CLPX: variants seen among roughly 807,000 people sequenced by gnomAD.
CLPX encodes ATP-dependent clpX-like chaperone, mitochondrial.
Under a neutral mutation model 76.4 loss-of-function variants are expected in CLPX, and 34 were observed. The observed-to-expected ratio is 0.45, with a 90% CI of 0.34 to 0.59. The LOEUF is 0.59. Among genes scored for constraint, CLPX ranks in the 20% least tolerant of loss-of-function variants. The pLI is 0.01. For missense variants in CLPX, 613 were observed against 757.0 expected (o/e 0.81, Z 2.23); for synonymous variants, 248 against 270.9 (o/e 0.92, Z 0.83).
intron 6 of CLPX, among the ~76,000 whole-genome samples, chr15:65,159,126 T>C (rs1021739448): frequency 1.3e-5 from 2 of 152,224 alleles, no homozygotes; most frequent in Admixed American, 6.5e-5. Context: ...GCAAGTCATA[T>C]AAACTTTATG....
intron 13 of CLPX, among the ~76,000 whole-genome samples, chr15:65,152,128 C>A (rs796067975): frequency 1.3e-5 from 2 of 152,200 alleles, no homozygotes; most frequent in African/African-American, 4.8e-5. Flanking sequence ...CAGAGTTTCA[C>A]CATGTTGGCC....
chr15:65,163,229 G>C (rs2087873650), intron 5 of CLPX, among the ~76,000 whole-genome samples: 1 of 152,068 alleles, frequency 6.6e-6, no homozygotes, highest in Non-Finnish European at 1.5e-5. Context: ...AAAGAAAAAG[G>C]TTCCAAGTCA....
In CLPX at chr15:65,170,727, G is replaced by A. The variant is rs563674275; in HGVS notation, c.359-3942C>T. 7.3e-5 allele frequency among the ~76,000 whole-genome samples: 11 copies of A among 150,118 alleles called. No homozygotes were observed. The South Asian group carries it at 1.8e-3, about 24-fold the overall frequency. On this transcript the variant is annotated intron_variant, in intron 3 of 13. Transcript: ENST00000300107. ...GGAGGTTGCAGTGAGCCAAGACCAC[G>A]TCACTATACTCCAGCCTAGGCAACA...
At position 65,160,044 on chromosome 15, in the gene CLPX, T is replaced by C. The variant is rs186870363; in HGVS notation, c.716-1293A>G. 4.3e-3 allele frequency among the ~76,000 whole-genome samples: 650 copies of C among 152,242 alleles called. 6 individuals carry two copies. Among genetic ancestry groups the C allele is most frequent in the African/African-American group, 0.015 (626 of 41,550 alleles). On this transcript the variant is annotated intron_variant, in intron 6 of 13. Transcript: ENST00000300107. ...CCCAGGCTGGTCTTGAACTGCTGAC[T>C]TCAGGTGATCCACCCGCCTCAGCCT... is the stretch of plus-strand genomic sequence containing the variant.
At chr15:65,180,257 C>G in intron 1 of CLPX, 53 bp from the exon 2 acceptor site, 1 of 1,396,288 alleles carries the variant, frequency 7.2e-7, no homozygotes, top group Admixed American at 2.2e-5. Flanking sequence ...AATAAATCCC[C>G]TGGAAACAAA....
chr15:65,162,653 AGAG>A lies in CLPX; in HGVS notation c.674-11_674-9del. 6.5e-7 allele frequency: 1 copy of A among 1,546,428 alleles called. No individual in the cohort carries two copies. The highest frequency in any genetic ancestry group is 8.9e-7 in the Non-Finnish European group (1 of 1,123,756). ...GTCTTCTTATTTCTAACTCTAAGAA[AGAG>A]GATGAAAATATTACATATTTGTTTA... On this transcript the variant is annotated splice_polypyrimidine_tract_variant and intron_variant, in intron 5 of 13. Transcript: ENST00000300107.
At chr15:65,167,817 G>A (rs1305119171) in intron 3 of CLPX, among the ~76,000 whole-genome samples, 1 of 151,904 alleles carries the variant, frequency 6.6e-6, no homozygotes, top group African/African-American at 2.4e-5. Context: ...GAACCCAGGA[G>A]GTGGAGGTTG....
At chr15:65,167,753 T>C (rs1595942116) in intron 3 of CLPX, among the ~76,000 whole-genome samples, 1 of 149,440 alleles carries the variant, frequency 6.7e-6, no homozygotes, top group Non-Finnish European at 1.5e-5. Context: ...CTGGGCGTGG[T>C]GGCAGACACC....
chr15:65,158,990 A>G (rs997524297), intron 6 of CLPX, among the ~76,000 whole-genome samples: 4 of 152,232 alleles, frequency 2.6e-5, no homozygotes, highest in Admixed American at 2.6e-4. Flanking sequence ...GTCCTTATTT[A>G]TATAAATATG....
In CLPX at chr15:65,156,939, T is replaced by C; in HGVS notation, c.1058-7A>G. The C allele has an allele frequency of 6.3e-7, 1 of 1,579,758 alleles. No individual in the cohort carries two copies. The highest frequency in any genetic ancestry group is 8.7e-7 in the Non-Finnish European group (1 of 1,151,506). On this transcript the variant is annotated splice_polypyrimidine_tract_variant and splice_region_variant and intron_variant, in intron 8 of 13. Transcript: ENST00000300107. Reference sequence around the variant, plus strand: ...TCATCCAGAAAGACAATTCCTATAATTTAAGGAGGATTCTATTTATAATAC... The same window carrying C: ...TCATCCAGAAAGACAATTCCTATAACTTAAGGAGGATTCTATTTATAATAC...
chr15:65,185,339 G>C lies in CLPX; in HGVS notation c.-186C>G, dbSNP rs768491241. On this transcript the variant is annotated 5_prime_UTR_variant, in exon 1 of 14. Coordinates refer to ENST00000300107, the MANE Select transcript of CLPX (RefSeq NM_006660.5). ...CTGCCCCACAGCCGTCTATTCACCA[G>C]AGTAGACACCCAACCCCCCCCTCCC... 13 of 553,962 alleles carry C rather than the reference G, an allele frequency of 2.3e-5. No homozygotes were observed. Among genetic ancestry groups the C allele is most frequent in the East Asian group, 1.3e-4 (4 of 30,642 alleles). 34.3% of individuals were successfully genotyped at this position (553,962 alleles called of 1,614,324 possible).
intron 13 of CLPX, among the ~76,000 whole-genome samples, chr15:65,151,802 T>C (rs1343557700): frequency 6.6e-6 from 1 of 152,182 alleles, no homozygotes; most frequent in African/African-American, 2.4e-5. Flanking sequence ...TACCTTATGA[T>C]TTGAGTTAAA....
At position 65,150,498 on chromosome 15, in the gene CLPX, G is replaced by A; in HGVS notation, c.*325C>T. ...TTCCCATTTGTAGAGTAACATTATT[G>A]TAAAATCTACAGTTATCGCAATACC... On this transcript the variant is annotated 3_prime_UTR_variant, in exon 14 of 14. Coordinates refer to ENST00000300107, the MANE Select transcript of CLPX (RefSeq NM_006660.5). The A allele has an allele frequency of 5.4e-6, 1 of 186,810 alleles. No homozygotes were observed. Among genetic ancestry groups the A allele is most frequent in the Non-Finnish European group, 1.1e-5 (1 of 91,122 alleles). 11.6% of individuals were successfully genotyped at this position (186,810 alleles called of 1,614,324 possible).
rs775288540 is a variant in CLPX, at chr15:65,154,996, G to C, written c.1397C>G (p.Ser466Trp). 6.2e-7 allele frequency: 1 copy of C among 1,613,994 alleles called. No homozygotes were observed. Among genetic ancestry groups the C allele is most frequent in the Non-Finnish European group, 8.5e-7 (1 of 1,179,974 alleles). ...AADLANRSGE[S>W]NTHQDIEEKD... ...TTCTTCAATGTCTTGGTGAGTATTC[G>C]ATTCCCCACTTCGATTAGCAAGGTC... Residue 466 changes from serine (S) to tryptophan (W), a missense_variant, in exon 11 of 14, where the codon TCG (serine) becomes TGG (tryptophan). Coordinates refer to ENST00000300107, the MANE Select transcript of CLPX (RefSeq NM_006660.5).
chr15:65,155,553 A>G lies in CLPX; in HGVS notation c.1311+139T>C, dbSNP rs981221689. On this transcript the variant is annotated intron_variant, in intron 10 of 13. Coordinates refer to ENST00000300107, the MANE Select transcript of CLPX (RefSeq NM_006660.5). ...ATTGAGTCACCGCACCCTTCCCTGT[A>G]TATTTCTGATATGCTCTAAGAAAAC... The G allele has an allele frequency of 4.8e-5, 35 of 722,276 alleles. No individual in the cohort carries two copies. The East Asian group carries it at 9.3e-4, about 19-fold the overall frequency. 44.7% of individuals were successfully genotyped at this position (722,276 alleles called of 1,614,324 possible).
chr15:65,180,762 C>T (rs1371982368), intron 1 of CLPX, among the ~76,000 whole-genome samples: 2 of 151,296 alleles, frequency 1.3e-5, no homozygotes, highest in African/African-American at 2.4e-5. Flanking sequence ...AAATTGGCCA[C>T]GCATGGTGGT....
At chr15:65,153,253 C>T (rs112680381) in intron 12 of CLPX, among the ~76,000 whole-genome samples, 5 of 151,830 alleles carry the variant, frequency 3.3e-5, no homozygotes, top group African/African-American at 1.2e-4. Flanking sequence ...AGTTTGAGAC[C>T]AGACTGGCCA....
At chr15:65,155,528 A>T (rs758614832) in intron 10 of CLPX, among the ~76,000 whole-genome samples, 164 bp downstream of exon 10, 1 of 152,200 alleles carries the variant, frequency 6.6e-6, no homozygotes, top group Non-Finnish European at 1.5e-5. Context: ...GATTATAGGC[A>T]TTGAGTCACC....
chr15:65,185,061 C>A lies in CLPX; in HGVS notation c.79+14G>T. 1 of 1,495,850 alleles carries A rather than the reference C, an allele frequency of 6.7e-7. No individual in the cohort carries two copies. The highest frequency in any genetic ancestry group is 9.0e-7 in the Non-Finnish European group (1 of 1,105,702). The allele number at this position is 1,495,850 out of a possible 1,614,324, so 92.7% of individuals were successfully genotyped here. ...CGACAGGCTGAGGGCTCAGGAGTGG[C>A]ACTATTTCGTTACCTCTCTGCGCGG... On this transcript the variant is annotated intron_variant, in intron 1 of 13. Coordinates refer to ENST00000300107, the MANE Select transcript of CLPX (RefSeq NM_006660.5).
Sources: gnomAD v4.1 joint callset for allele counts (sites outside exome capture counted in the v4.1 genomes callset) on GRCh38, gnomAD v4.1.1 for gene constraint, MANE v1.5 for transcripts, NCBI Gene and HGNC (gene_info 2026-07-23, HGNC 2026-07-21) for gene names.